The following PEBP4 variants were observed in gnomAD, a reference collection of about 807,000 sequenced individuals.
PEBP4 encodes phosphatidylethanolamine-binding protein 4.
In PEBP4, 22 loss-of-function variants were observed where a neutral mutation model predicts 23.9. The observed-to-expected ratio is 0.92, with a 90% CI of 0.66 to 1.31. The LOEUF (loss-of-function observed/expected upper bound fraction) is 1.31. Among genes scored for constraint, PEBP4 ranks in the 40% most tolerant of loss-of-function variants. The pLI, the probability that PEBP4 is intolerant of heterozygous loss-of-function variation, is 0.00. For missense variants in PEBP4, 324 were observed against 281.7 expected, an observed-to-expected ratio of 1.15 and a Z score of -1.07; for synonymous variants, 112 against 99.3, an observed-to-expected ratio of 1.13 and a Z score of -0.76.
At chr8:22,886,277 G>A (rs1336134597) in intron 3 of PEBP4, 2 of 152,224 alleles carry the variant, frequency 1.3e-5, no homozygotes, top group African/African-American at 4.8e-5. Context: ...TTCTGGAAGA[G>A]GCGAAAGGCG....
At chr8:22,896,075 G>C (rs1436617777) in intron 3 of PEBP4, 1 of 152,240 alleles carries the variant, frequency 6.6e-6, no homozygotes, top group Non-Finnish European at 1.5e-5. Context: ...ATGAAACCAT[G>C]TTCCCAAATC....
chr8:22,725,999 ATGTGTGTGTGTGTG>A (rs10680983), intron 5 of PEBP4, among the ~76,000 whole-genome samples: 1 of 146,330 alleles, frequency 6.8e-6, no homozygotes, highest in Admixed American at 6.8e-5. Flanking sequence ...GATCAGATAT[ATGTGTGTGTGTGTG>A]TGTGTGTGTG....
At chr8:22,752,135 C>T (rs193220719) in intron 4 of PEBP4, among the ~76,000 whole-genome samples, 1 of 152,232 alleles carries the variant, frequency 6.6e-6, no homozygotes, top group East Asian at 1.9e-4. Flanking sequence ...GAACTCACTC[C>T]TGGCCTCAAG....
rs550929085 is a variant in PEBP4, at chr8:22,786,814, C to A, written c.357+30823G>T. Among the ~76,000 whole-genome samples the A allele has an allele frequency of 3.4e-5, 5 of 147,854 alleles. No individual in the cohort carries two copies. In the South Asian group the frequency reaches 9.2e-4, roughly 27 times the overall value. Reference sequence around the variant, plus strand: ...ATCCTATGCAGGAAACAGGGCTGCACCCCCTACCGCTTTTTTTTTTTTTTG... The same window carrying A: ...ATCCTATGCAGGAAACAGGGCTGCAACCCCTACCGCTTTTTTTTTTTTTTG... On this transcript the variant is annotated intron_variant, in intron 4 of 6. Coordinates refer to ENST00000256404, the MANE Select transcript of PEBP4 (RefSeq NM_144962.3).
intron 3 of PEBP4, among the ~76,000 whole-genome samples, chr8:22,847,302 C>G (rs1807459328): frequency 6.6e-6 from 1 of 152,176 alleles, no homozygotes; most frequent in African/African-American, 2.4e-5. Context: ...TTTAAGGTGT[C>G]ACTTCTGCTT....
chr8:22,877,401 G>A (rs989728547), intron 3 of PEBP4, among the ~76,000 whole-genome samples: 9 of 152,170 alleles, frequency 5.9e-5, no homozygotes, highest in African/African-American at 2.2e-4. Flanking sequence ...GGACTTTTGT[G>A]CCTTCAAAAT....
At chr8:22,834,321 C>G (rs1807154694) in intron 3 of PEBP4, among the ~76,000 whole-genome samples, 3 of 152,232 alleles carry the variant, frequency 2.0e-5, no homozygotes, top group Non-Finnish European at 4.4e-5. Flanking sequence ...ATGGGCCCGC[C>G]AGGATGCAAG....
At chr8:22,857,899 T>C (rs897297957) in intron 3 of PEBP4, among the ~76,000 whole-genome samples, 7 of 152,076 alleles carry the variant, frequency 4.6e-5, no homozygotes, top group African/African-American at 1.7e-4. Flanking sequence ...CTACCTGCAA[T>C]AGTAGGAATT....
intron 3 of PEBP4, among the ~76,000 whole-genome samples, chr8:22,844,861 A>G (rs530717380): frequency 6.6e-6 from 1 of 152,242 alleles, no homozygotes; most frequent in South Asian, 2.1e-4. Context: ...TGGGCACTTG[A>G]CCTGGGGCAG....
At chr8:22,752,064 T>C (rs866490470) in intron 4 of PEBP4, among the ~76,000 whole-genome samples, 1 of 152,228 alleles carries the variant, frequency 6.6e-6, no homozygotes, top group Non-Finnish European at 1.5e-5. Flanking sequence ...GCCTGGCTAA[T>C]TTTTTTAAAA....
In PEBP4 at chr8:22,729,928, C is replaced by T. The variant is rs539412253; in HGVS notation, c.358-2708G>A. ...GGGGCTACAATTTCTACCATAGAAT[C>T]AACACCTGGTAGGGGCTTTAGGAAA... On this transcript the variant is annotated intron_variant, in intron 4 of 6. Transcript: ENST00000256404. 2.2e-4 allele frequency among the ~76,000 whole-genome samples: 33 copies of T among 152,328 alleles called. No individual in the cohort carries two copies. In the South Asian group the frequency reaches 6.2e-3, roughly 29 times the overall value.
upstream of PEBP4, among the ~76,000 whole-genome samples, chr8:22,932,121 G>A (rs1248866321): frequency 6.6e-6 from 1 of 152,212 alleles, no homozygotes; most frequent in African/African-American, 2.4e-5. Context: ...ACTGTGCTAA[G>A]TGAAAGCAGC....
chr8:22,749,805 C>CCT (rs1805209102), intron 4 of PEBP4, among the ~76,000 whole-genome samples: 1 of 83,762 alleles, frequency 1.2e-5, no homozygotes, highest in East Asian at 3.2e-4. Context: ...GTTTGTCATT[C>CCT]TTTTTTTTTT....
chr8:22,938,891 A>G (rs1809574113), intron 1 of PEBP4, among the ~76,000 whole-genome samples: 1 of 152,240 alleles, frequency 6.6e-6, no homozygotes, highest in Non-Finnish European at 1.5e-5. Flanking sequence ...CGTTACATAA[A>G]TAAGCACGCA....
chr8:22,891,016 G>A (rs7823595), intron 3 of PEBP4, among the ~76,000 whole-genome samples: 4,892 of 152,278 alleles, frequency 0.032, 253 homozygotes, highest in African/African-American at 0.11. Context: ...CTTTAGTAGA[G>A]ATGGGGTTTC....
intron 5 of PEBP4, 72 bp downstream of exon 5, chr8:22,727,103 C>T (rs1047177158): frequency 5.1e-5 from 79 of 1,536,662 alleles, no homozygotes; most frequent in Non-Finnish European, 6.7e-5. Flanking sequence ...AAAGCAGCAC[C>T]ATGAGGTTTT....
intron 6 of PEBP4, 99 bp downstream of exon 6, chr8:22,724,744 A>C (rs1804588243): frequency 1.2e-6 from 1 of 856,610 alleles, no homozygotes. Context: ...AAGGCTCATG[A>C]GTGGGGGTCA....
At chr8:22,718,137 G>A (rs1213144520) in intron 6 of PEBP4, among the ~76,000 whole-genome samples, 1 of 152,052 alleles carries the variant, frequency 6.6e-6, no homozygotes, top group Non-Finnish European at 1.5e-5. Flanking sequence ...ACTTTGGCAG[G>A]AGTGAGAGGG....
intron 4 of PEBP4, among the ~76,000 whole-genome samples, chr8:22,767,862 C>T (rs1256054325): frequency 6.6e-6 from 1 of 152,088 alleles, no homozygotes; most frequent in African/African-American, 2.4e-5. Flanking sequence ...GCCTCAGCCT[C>T]CTGAGTATCT....
Sources: gnomAD v4.1 joint callset for allele counts (sites outside exome capture counted in the v4.1 genomes callset) on GRCh38, gnomAD v4.1.1 for gene constraint, MANE v1.5 for transcripts, NCBI Gene and HGNC (gene_info 2026-07-23, HGNC 2026-07-21) for gene names.